CALN1: variants seen among roughly 807,000 people sequenced by gnomAD.
CALN1 encodes the protein calneuron 1, also known as calcium-binding protein 8.
In CALN1, 17 loss-of-function variants were observed where a neutral mutation model predicts 30.6. The observed-to-expected ratio is 0.56, with a 90% CI of 0.38 to 0.83. The LOEUF is 0.83. Ranked by LOEUF, CALN1 falls within the 40% of genes least tolerant of loss-of-function variation. The pLI, the probability that CALN1 is intolerant of heterozygous loss-of-function variation, is 0.00. For synonymous variants in CALN1, 156 were observed against 131.4 expected, an observed-to-expected ratio of 1.19 and a Z score of -1.28; for missense variants, 291 against 354.9, an observed-to-expected ratio of 0.82 and a Z score of 1.45.
intron 5 of CALN1, among the ~76,000 whole-genome samples, chr7:71,850,302 G>A (rs1374489997): frequency 1.3e-5 from 2 of 152,076 alleles, no homozygotes; most frequent in Non-Finnish European, 1.5e-5. Flanking sequence ...TGCAACCTCC[G>A]CCTCCCGGGT....
chr7:72,059,908 T>C (rs535910001), intron 4 of CALN1, among the ~76,000 whole-genome samples: 44 of 152,266 alleles, frequency 2.9e-4, no homozygotes, highest in African/African-American at 1.0e-3. Context: ...AGAGAACGCA[T>C]GGAACAGCTA....
At chr7:72,277,743 C>T (rs1475671317) in intron 3 of CALN1, among the ~76,000 whole-genome samples, 1 of 152,154 alleles carries the variant, frequency 6.6e-6, no homozygotes, top group Non-Finnish European at 1.5e-5. Flanking sequence ...CTCCATCTTC[C>T]TTCTGGGAGA....
intron 5 of CALN1, among the ~76,000 whole-genome samples, chr7:71,882,551 C>G (rs757485551): frequency 9.2e-5 from 14 of 152,172 alleles, no homozygotes; most frequent in Non-Finnish European, 2.1e-4. Flanking sequence ...TTTAGCCACA[C>G]TAGCCATCTT....
intron 2 of CALN1, among the ~76,000 whole-genome samples, chr7:72,323,916 C>T (rs893987656): frequency 3.3e-5 from 5 of 151,944 alleles, no homozygotes; most frequent in South Asian, 2.1e-4. Flanking sequence ...CTGTGGCACA[C>T]GTCTATAGTC....
At chr7:72,012,241 G>T (rs1800122277) in intron 5 of CALN1, among the ~76,000 whole-genome samples, 1 of 152,126 alleles carries the variant, frequency 6.6e-6, no homozygotes, top group Non-Finnish European at 1.5e-5. Context: ...TAATCGGCCG[G>T]GCACGGTGGC....
In CALN1 at chr7:72,371,357, C is replaced by A. The variant is rs74785073; in HGVS notation, c.119+31894G>T. Among the ~76,000 whole-genome samples the A allele has an allele frequency of 2.8e-4, 43 of 152,178 alleles. No individual in the cohort carries two copies. In the East Asian group the frequency reaches 7.9e-3, roughly 28 times the overall value. On this transcript the variant is annotated intron_variant, in intron 2 of 6. Transcript: ENST00000395275. ...ATCTTGAATTGTAGTGCCCTTAATC[C>A]CCTAAACATGTTGTGGAAGAGACCA... is the stretch of plus-strand genomic sequence containing the variant.
intron 2 of CALN1, among the ~76,000 whole-genome samples, chr7:72,362,272 A>C (rs944626273): frequency 1.3e-5 from 2 of 152,204 alleles, no homozygotes; most frequent in African/African-American, 4.8e-5. Flanking sequence ...GACTTTTGAT[A>C]AGTGATACGC....
At position 72,391,006 on chromosome 7, in the gene CALN1, TAC is replaced by T. The variant is rs546479393; in HGVS notation, c.119+12243_119+12244del. ...TTCTGACTCTAAGAAGATTTCTTTG[TAC>T]ATTGTAATTTTTCCTGACATTGAAA... On this transcript the variant is annotated intron_variant, in intron 2 of 6. Coordinates refer to ENST00000395275, the MANE Select transcript of CALN1 (RefSeq NM_031468.4). 5.9e-5 allele frequency among the ~76,000 whole-genome samples: 9 copies of T among 152,360 alleles called. No individual in the cohort carries two copies. In the East Asian group the frequency reaches 1.7e-3, roughly 29 times the overall value.
chr7:72,341,248 C>T (rs771841577), intron 2 of CALN1, among the ~76,000 whole-genome samples: 1 of 152,158 alleles, frequency 6.6e-6, no homozygotes, highest in East Asian at 1.9e-4. Context: ...TAGGGCCAAG[C>T]ACGGTGGCTG....
the CALN1 span, among the ~76,000 whole-genome samples, chr7:72,473,277 T>G: frequency 6.6e-6 from 1 of 151,990 alleles, no homozygotes; most frequent in Non-Finnish European, 1.5e-5. Context: ...CTCTTCACCC[T>G]CAAACAAAGT....
intron 2 of CALN1, among the ~76,000 whole-genome samples, chr7:72,287,065 A>G (rs993866482): frequency 6.6e-5 from 10 of 152,220 alleles, no homozygotes; most frequent in African/African-American, 2.2e-4. Context: ...AAAGGCAATG[A>G]AGAGTATTTC....
chr7:72,205,728 G>A (rs1353814413), intron 3 of CALN1, among the ~76,000 whole-genome samples: 2 of 149,990 alleles, frequency 1.3e-5, no homozygotes, highest in Admixed American at 1.3e-4. Context: ...ATGACTTTGG[G>A]GTTAAACTTG....
intron 5 of CALN1, among the ~76,000 whole-genome samples, chr7:71,812,027 A>T (rs1787990018): frequency 6.6e-6 from 1 of 152,142 alleles, no homozygotes; most frequent in Non-Finnish European, 1.5e-5. Flanking sequence ...AGTCACATCT[A>T]CCACATCTAA....
At chr7:72,160,886 T>G (rs544492916) in intron 3 of CALN1, among the ~76,000 whole-genome samples, 1 of 152,290 alleles carries the variant, frequency 6.6e-6, no homozygotes, top group Admixed American at 6.5e-5. Context: ...TCCCAAAATC[T>G]TCCTTCCATA....
chr7:72,143,873 C>T (rs1160584114), intron 3 of CALN1, among the ~76,000 whole-genome samples: 7 of 152,110 alleles, frequency 4.6e-5, no homozygotes, highest in African/African-American at 1.2e-4. Context: ...TCCAGCCAAA[C>T]TAAGCTTCAT....
chr7:72,484,538 G>A, the CALN1 span, among the ~76,000 whole-genome samples: 3 of 150,368 alleles, frequency 2.0e-5, no homozygotes, highest in South Asian at 2.2e-4. Flanking sequence ...CCCACCGCCC[G>A]CCCCCGCGTA....
chr7:72,299,817 G>C (rs969443627), intron 2 of CALN1, among the ~76,000 whole-genome samples: 1 of 151,608 alleles, frequency 6.6e-6, no homozygotes, highest in Non-Finnish European at 1.5e-5. Flanking sequence ...TTACAGGCCT[G>C]AGCCAGCATG....
At chr7:71,999,074 A>G (rs1411505769) in intron 5 of CALN1, among the ~76,000 whole-genome samples, 2 of 152,222 alleles carry the variant, frequency 1.3e-5, no homozygotes, top group African/African-American at 2.4e-5. Context: ...ACACAATCCA[A>G]TTTTATGCTG....
At chr7:72,354,343 G>T (rs749795227) in intron 2 of CALN1, among the ~76,000 whole-genome samples, 4 of 152,180 alleles carry the variant, frequency 2.6e-5, no homozygotes, top group Non-Finnish European at 4.4e-5. Flanking sequence ...CATGTTAATG[G>T]ATTAGAGGTT....
Sources: gnomAD v4.1 joint callset for allele counts (sites outside exome capture counted in the v4.1 genomes callset) on GRCh38, gnomAD v4.1.1 for gene constraint, MANE v1.5 for transcripts, NCBI Gene and HGNC (gene_info 2026-07-23, HGNC 2026-07-21) for gene names.